DHX35: variants seen among roughly 807,000 people sequenced by gnomAD.
DHX35 encodes probable ATP-dependent RNA helicase DHX35.
DHX35 carries 84 observed loss-of-function variants against 99.6 expected under a neutral mutation model. The ratio of observed to expected loss-of-function variants is 0.84; its 90% CI spans 0.71 to 1.01. DHX35 has a LOEUF of 1.01. Ranked by LOEUF, DHX35 falls within the 50% of genes least tolerant of loss-of-function variation. The probability of loss-of-function intolerance (pLI) is 0.00; values close to 1 mark genes in which losing one functional copy is unlikely to be tolerated. For missense variants in DHX35, 852 were observed against 888.5 expected (o/e 0.96, Z 0.52); for synonymous variants, 331 against 316.2 (o/e 1.05, Z -0.50).
At chr20:39,004,208 G>A (rs1052612379) in intron 11 of DHX35, among the ~76,000 whole-genome samples, 5 of 151,984 alleles carry the variant, frequency 3.3e-5, no homozygotes, top group East Asian at 3.9e-4. Flanking sequence ...GACTACAGGC[G>A]CCCGCCACCA....
intron 10 of DHX35, 70 bp downstream of exon 10, chr20:39,002,938 T>C: frequency 7.7e-7 from 1 of 1,298,776 alleles, no homozygotes; most frequent in Non-Finnish European, 1.1e-6. Flanking sequence ...AGAGCCTTGT[T>C]ACTTTACTCA....
intron 5 of DHX35, among the ~76,000 whole-genome samples, chr20:38,990,048 T>C (rs1352173666): frequency 6.6e-6 from 1 of 152,212 alleles, no homozygotes; most frequent in Non-Finnish European, 1.5e-5. Context: ...TATTTTGTTA[T>C]ATTCATTTTG....
chr20:38,984,704 A>G (rs2086224201), intron 4 of DHX35, among the ~76,000 whole-genome samples: 1 of 152,166 alleles, frequency 6.6e-6, no homozygotes. Flanking sequence ...TTTGTTGTAG[A>G]TACAGTCCTG....
chr20:39,006,729 C>G (rs368167343), intron 12 of DHX35, among the ~76,000 whole-genome samples: 2 of 152,192 alleles, frequency 1.3e-5, no homozygotes, highest in Non-Finnish European at 2.9e-5. Context: ...CTGAGTCTTG[C>G]GGAGCCTCAC....
intron 20 of DHX35, among the ~76,000 whole-genome samples, chr20:39,033,422 A>G (rs2087091963): frequency 6.6e-6 from 1 of 152,158 alleles, no homozygotes; most frequent in South Asian, 2.1e-4. Flanking sequence ...GCCTGAAGCC[A>G]TGCCATACCA....
chr20:38,968,106 G>T (rs1263087416), intron 1 of DHX35, among the ~76,000 whole-genome samples: 4 of 152,220 alleles, frequency 2.6e-5, no homozygotes, highest in Admixed American at 1.3e-4. Context: ...ATTGTTCACT[G>T]CAGTGTTTCT....
intron 18 of DHX35, among the ~76,000 whole-genome samples, chr20:39,025,817 G>A (rs976601670): frequency 3.3e-5 from 5 of 152,334 alleles, no homozygotes; most frequent in Admixed American, 6.5e-5. Flanking sequence ...TATGTAAGAC[G>A]TAGTCTCTGG....
At chr20:38,969,302 C>G in intron 2 of DHX35, 88 bp downstream of exon 2, 3 of 1,417,200 alleles carry the variant, frequency 2.1e-6, no homozygotes, top group Non-Finnish European at 1.9e-6. Context: ...ATGATGGCCT[C>G]TTTCTAGAAC....
At chr20:39,004,518 CA>C (rs1256465467) in intron 11 of DHX35, among the ~76,000 whole-genome samples, 1 of 152,202 alleles carries the variant, frequency 6.6e-6, no homozygotes, top group Non-Finnish European at 1.5e-5. Flanking sequence ...GGATTGAGGT[CA>C]GTCAGGAGCA....
chr20:39,035,963 G>A lies in DHX35; in HGVS notation c.2067+1646G>A, dbSNP rs552342490. Among the ~76,000 whole-genome samples, 168 of 152,342 alleles carry A rather than the reference G, an allele frequency of 1.1e-3. 2 individuals carry two copies. The highest frequency in any genetic ancestry group is 4.7e-4 in the Non-Finnish European group (32 of 68,044). On this transcript the variant is annotated intron_variant, in intron 21 of 21. Coordinates refer to ENST00000252011, the MANE Select transcript of DHX35 (RefSeq NM_021931.4). ...GCAGGGACTGATAAAAATGCAGTGT[G>A]TGTTGTCTTTGCTGAATTAGGTTGA... is the stretch of plus-strand genomic sequence containing the variant.
intron 4 of DHX35, among the ~76,000 whole-genome samples, chr20:38,985,374 C>CAAAAA (rs58084339): frequency 2.3e-4 from 17 of 73,924 alleles, no homozygotes; most frequent in Admixed American, 1.1e-3. Context: ...ACCCTATCTC[C>CAAAAA]AAAAAAAAAA....
chr20:38,972,503 T>A, intron 2 of DHX35, 56 bp from the exon 3 acceptor site: 1 of 1,111,568 alleles, frequency 9.0e-7, no homozygotes, highest in Non-Finnish European at 1.4e-6. Flanking sequence ...AATATCGTTG[T>A]TTAGGTCTTT....
intron 3 of DHX35, among the ~76,000 whole-genome samples, chr20:38,981,496 G>A (rs745462797): frequency 3.3e-5 from 5 of 152,106 alleles, no homozygotes; most frequent in African/African-American, 4.8e-5. Context: ...TTGAACATTA[G>A]AAGCTCCTTC....
At chr20:38,981,746 C>T (rs760763537) in intron 3 of DHX35, among the ~76,000 whole-genome samples, 14 of 151,988 alleles carry the variant, frequency 9.2e-5, no homozygotes, top group Non-Finnish European at 1.5e-4. Context: ...AGTTTGAGAC[C>T]AGCCTGGCCA....
intron 15 of DHX35, among the ~76,000 whole-genome samples, chr20:39,020,513 G>A (rs1048000884): frequency 3.9e-5 from 6 of 152,132 alleles, no homozygotes; most frequent in African/African-American, 1.4e-4. Flanking sequence ...GGGAAAGACA[G>A]TTTAATTTTT....
At chr20:39,029,439 T>C (rs2087010112) in intron 19 of DHX35, 1 of 150,982 alleles carries the variant, frequency 6.6e-6, no homozygotes, top group Non-Finnish European at 1.5e-5. Context: ...TCTAGTATCC[T>C]AGTAGCCGAC....
Position 39,018,787 on chromosome 20 carries a change from T to C in DHX35, c.1403-17T>C. 1 of 1,612,456 alleles carries C rather than the reference T, an allele frequency of 6.2e-7. No homozygotes were observed. Among genetic ancestry groups the C allele is most frequent in the African/African-American group, 1.3e-5 (1 of 75,004 alleles). ...ATGGTACCTGCCTTCTGATTTCTTT[T>C]GTTGTTCTTATGGCAGGTCTGGACA... On this transcript the variant is annotated splice_polypyrimidine_tract_variant and intron_variant, in intron 14 of 21. Transcript: ENST00000252011.
At chr20:38,967,606 T>G (rs2085929133) in intron 1 of DHX35, among the ~76,000 whole-genome samples, 1 of 152,226 alleles carries the variant, frequency 6.6e-6, no homozygotes, top group African/African-American at 2.4e-5. Context: ...TTCTCCTGAG[T>G]TGTTTTTCTG....
At chr20:39,020,685 G>A (rs2086860396) in intron 15 of DHX35, among the ~76,000 whole-genome samples, 1 of 68,826 alleles carries the variant, frequency 1.5e-5, no homozygotes, top group East Asian at 6.0e-4. Flanking sequence ...TTGAGACAGT[G>A]TCTCACTCTG....
Sources: allele counts gnomAD v4.1 joint callset (sites outside exome capture counted in the v4.1 genomes callset), GRCh38; gene constraint gnomAD v4.1.1; transcripts MANE v1.5; gene names NCBI Gene and HGNC (gene_info 2026-07-23, HGNC 2026-07-21).